Variants in BRAF observed in about 807,000 individuals in gnomAD.
BRAF encodes B-Raf proto-oncogene, serine/threonine kinase, also known as serine/threonine-protein kinase B-raf.
In BRAF, 16 loss-of-function variants were observed where a neutral mutation model predicts 104.6. That is an observed-to-expected ratio of 0.15 (90% CI 0.10 to 0.23). BRAF has a LOEUF of 0.23. Ranked by LOEUF, BRAF falls within the 10% of genes least tolerant of loss-of-function variation. The pLI is 1.00. For missense variants in BRAF, 541 were observed against 937.3 expected (o/e 0.58, Z 5.52); for synonymous variants, 310 against 341.6 (o/e 0.91, Z 1.02).
chr7:140,846,130 C>T (rs1255761135), intron 2 of BRAF, among the ~76,000 whole-genome samples: 1 of 152,098 alleles, frequency 6.6e-6, no homozygotes, highest in Non-Finnish European at 1.5e-5. Flanking sequence ...CATAAAATCA[C>T]CATGTGATCC....
chr7:140,885,627 G>A (rs771565544), intron 1 of BRAF, among the ~76,000 whole-genome samples: 17 of 152,074 alleles, frequency 1.1e-4, no homozygotes, highest in Non-Finnish European at 2.4e-4. Context: ...CCACAAATGC[G>A]GCAACTGTGT....
At chr7:140,729,742 C>T (rs1478527084) in intron 19 of BRAF, among the ~76,000 whole-genome samples, 5 of 152,164 alleles carry the variant, frequency 3.3e-5, no homozygotes, top group Admixed American at 2.6e-4. Flanking sequence ...CACACCACTG[C>T]ACTCCAGCCT....
intron 19 of BRAF, chr7:140,726,624 CA>C: frequency 2.0e-6 from 2 of 989,446 alleles, no homozygotes; most frequent in Non-Finnish European, 3.0e-6. Context: ...TTATATATTT[CA>C]AGTCTAGCAA....
intron 14 of BRAF, among the ~76,000 whole-genome samples, chr7:140,763,422 G>A (rs989546010): frequency 9.1e-4 from 136 of 149,586 alleles, no homozygotes; most frequent in Admixed American, 1.8e-3. Context: ...GGGCAGAGGC[G>A]CCCCTCACCT....
chr7:140,800,540 A>C, intron 6 of BRAF, 59 bp from the exon 7 acceptor site: 1 of 1,612,856 alleles, frequency 6.2e-7, no homozygotes, highest in Non-Finnish European at 8.5e-7. Flanking sequence ...TCATATACCA[A>C]AATACATAGT....
chr7:140,806,772 G>A (rs1206646411), intron 5 of BRAF, among the ~76,000 whole-genome samples: 1 of 152,008 alleles, frequency 6.6e-6, no homozygotes, highest in Admixed American at 6.6e-5. Context: ...ATTGACATTA[G>A]GTGTATCTTA....
intron 1 of BRAF, among the ~76,000 whole-genome samples, chr7:140,919,310 T>C (rs1461955632): frequency 6.6e-6 from 1 of 152,190 alleles, no homozygotes; most frequent in Non-Finnish European, 1.5e-5. Flanking sequence ...CGACGCTTTA[T>C]CCGATGTTAC....
In BRAF at chr7:140,724,140, G is replaced by GT. The variant is rs1795465511; in HGVS notation, c.*2353dup. 2.8e-6 allele frequency: 3 copies of GT among 1,054,180 alleles called. No individual in the cohort carries two copies. The highest frequency in any genetic ancestry group is 4.3e-4 in the Middle Eastern group (1 of 2,332). The allele number at this position is 1,054,180 out of a possible 1,614,324, so 65.3% of individuals were successfully genotyped here. On this transcript the variant is annotated 3_prime_UTR_variant, in exon 20 of 20. Coordinates refer to ENST00000644969, the MANE Select transcript of BRAF (RefSeq NM_001374258.1). ...TCTAAAATGCAAGGGAAGAAAAAGT[G>GT]TATCACCCTGAATATTGTTTAAGAA...
intron 1 of BRAF, among the ~76,000 whole-genome samples, chr7:140,901,174 T>C (rs1815586126): frequency 6.6e-6 from 1 of 152,212 alleles, no homozygotes; most frequent in Non-Finnish European, 1.5e-5. Flanking sequence ...AAAGTTTGTA[T>C]GAAAAAATAT....
chr7:140,894,974 A>G (rs530478510), intron 1 of BRAF, among the ~76,000 whole-genome samples: 21 of 152,300 alleles, frequency 1.4e-4, no homozygotes, highest in African/African-American at 5.1e-4. Flanking sequence ...AAATCACAGA[A>G]AACTCTAGAA....
At chr7:140,855,318 TC>T in intron 1 of BRAF, among the ~76,000 whole-genome samples, 1 of 152,144 alleles carries the variant, frequency 6.6e-6, no homozygotes, top group Middle Eastern at 3.4e-3. Flanking sequence ...ACTAAAAACT[TC>T]AAGAAAGTTA....
chr7:140,851,352 A>G (rs1809138373), intron 1 of BRAF, among the ~76,000 whole-genome samples: 1 of 152,212 alleles, frequency 6.6e-6, no homozygotes, highest in Non-Finnish European at 1.5e-5. Context: ...CATAAATATA[A>G]CACACAGTAG....
intron 11 of BRAF, 132 bp from the exon 11 acceptor site, chr7:140,781,825 G>T (rs1586141873): frequency 1.4e-6 from 1 of 733,010 alleles, no homozygotes; most frequent in East Asian, 2.6e-5. Flanking sequence ...TTCTCTGGAA[G>T]AATAGTAGTT....
rs1803934939 is a variant in BRAF at position 140,808,906 on chromosome 7, G to A, written c.594C>T (p.Tyr198=). The part of the protein sequence containing the change: ...RGLIPECCAV[Y]RIQDGEKKPI... ...ACAAACCATACCCATCCTGAATTCTGTAAACAGCACAGCACTCTGGGATTA... is the reference window on the plus strand; with the variant it reads ...ACAAACCATACCCATCCTGAATTCTATAAACAGCACAGCACTCTGGGATTA... The change falls in exon 4 of 20, where the codon TAC becomes TAT. Residue 198 remains tyrosine (Y), a synonymous_variant. Transcript: ENST00000644969. The A allele has an allele frequency of 1.9e-6, 3 of 1,611,596 alleles. No individual in the cohort carries two copies.
At chr7:140,790,854 C>A (rs1321684669) in intron 8 of BRAF, among the ~76,000 whole-genome samples, 1 of 152,174 alleles carries the variant, frequency 6.6e-6, no homozygotes, top group Non-Finnish European at 1.5e-5. Context: ...CGCCTGTAAT[C>A]CCAACACTCT....
intron 3 of BRAF, among the ~76,000 whole-genome samples, chr7:140,814,801 A>G (rs1348443363): frequency 7.0e-6 from 1 of 143,086 alleles, no homozygotes; most frequent in East Asian, 2.0e-4. Flanking sequence ...ACATATATAT[A>G]TTATATATAA....
In BRAF at chr7:140,724,091, C is replaced by G. The variant is rs936615195; in HGVS notation, c.*2403G>C. Reference sequence around the variant, plus strand: ...TCATTTGAGATCAAGTCTGCTCCCCCGTTCAAATGAGATACCAGCCTATTC... The same window carrying G: ...TCATTTGAGATCAAGTCTGCTCCCCGGTTCAAATGAGATACCAGCCTATTC... On this transcript the variant is annotated 3_prime_UTR_variant, in exon 20 of 20. Coordinates refer to ENST00000644969, the MANE Select transcript of BRAF (RefSeq NM_001374258.1). 1.9e-6 allele frequency: 2 copies of G among 1,048,654 alleles called. No individual in the cohort carries two copies. Among genetic ancestry groups the G allele is most frequent in the Non-Finnish European group, 2.3e-6 (2 of 868,820 alleles). 65.0% of individuals were successfully genotyped at this position (1,048,654 alleles called of 1,614,324 possible).
intron 10 of BRAF, among the ~76,000 whole-genome samples, chr7:140,784,808 C>T (rs1801196051): frequency 6.6e-6 from 1 of 152,084 alleles, no homozygotes; most frequent in Non-Finnish European, 1.5e-5. Context: ...TCATGCCTAG[C>T]TAATTTTTTT....
rs1795317820 is a variant in BRAF at position 140,721,366 on chromosome 7, T to G, written c.*5128A>C. The G allele has an allele frequency of 2.9e-5, 35 of 1,218,818 alleles. No individual in the cohort carries two copies. Among genetic ancestry groups the G allele is most frequent in the Non-Finnish European group, 3.2e-5 (31 of 980,166 alleles). 75.5% of individuals were successfully genotyped at this position (1,218,818 alleles called of 1,614,324 possible). ...GTTGGGTTTCTGTCCTTTTCCACAT[T>G]AAAAATACCTGATAGGAACTGTTAA... On this transcript the variant is annotated 3_prime_UTR_variant, in exon 20 of 20. Coordinates refer to ENST00000644969, the MANE Select transcript of BRAF (RefSeq NM_001374258.1).
Sources: gnomAD v4.1 joint callset for allele counts (sites outside exome capture counted in the v4.1 genomes callset) on GRCh38, gnomAD v4.1.1 for gene constraint, MANE v1.5 for transcripts, NCBI Gene and HGNC (gene_info 2026-07-23, HGNC 2026-07-21) for gene names.